CACNB4: variants seen among roughly 807,000 people sequenced by gnomAD.
CACNB4 encodes voltage-dependent L-type calcium channel subunit beta-4.
CACNB4 carries 32 observed loss-of-function variants against 71.2 expected under a neutral mutation model. The observed-to-expected ratio is 0.45, with a 90% confidence interval of 0.34 to 0.60. The LOEUF is 0.60. Among genes scored for constraint, CACNB4 ranks in the 20% least tolerant of loss-of-function variants. The pLI, the probability that CACNB4 is intolerant of heterozygous loss-of-function variation, is 0.01. For synonymous variants in CACNB4, 231 were observed against 236.9 expected (o/e 0.97, Z 0.23); for missense variants, 464 against 647.9 (o/e 0.72, Z 3.08).
At chr2:152,018,806 A>AACACACAC (rs10600477) in intron 2 of CACNB4, among the ~76,000 whole-genome samples, 19,130 of 146,462 alleles carry the variant, frequency 0.13, 1,588 homozygotes, top group African/African-American at 0.24. Flanking sequence ...CCTGTCTCAA[A>AACACACAC]ACACACACAC....
chr2:151,893,532 G>A (rs78852198), intron 2 of CACNB4, among the ~76,000 whole-genome samples: 5,262 of 152,112 alleles, frequency 0.035, 148 homozygotes, highest in East Asian at 0.11. Context: ...ATGAGCCATC[G>A]CACTCAGTCT....
intron 4 of CACNB4, chr2:151,879,483 G>A (rs1038782486): frequency 1.3e-5 from 2 of 151,374 alleles, no homozygotes; most frequent in African/African-American, 4.9e-5. Context: ...ACTTAACATG[G>A]TGCATAATAG....
At chr2:151,934,433 G>A (rs2099862415) in intron 2 of CACNB4, among the ~76,000 whole-genome samples, 1 of 152,204 alleles carries the variant, frequency 6.6e-6, no homozygotes, top group Non-Finnish European at 1.5e-5. Flanking sequence ...TGTTCTAGGT[G>A]CTTAACAGCA....
At chr2:151,982,730 T>C (rs771519924) in intron 2 of CACNB4, among the ~76,000 whole-genome samples, 2 of 152,102 alleles carry the variant, frequency 1.3e-5, no homozygotes, top group African/African-American at 2.4e-5. Context: ...GAACTCACCT[T>C]AGGGAAGAAA....
chr2:151,951,940 T>C (rs1268515989), intron 2 of CACNB4, among the ~76,000 whole-genome samples: 2 of 152,168 alleles, frequency 1.3e-5, no homozygotes, highest in African/African-American at 2.4e-5. Context: ...CAAGGCATAA[T>C]TGAATGGCCT....
At chr2:151,960,048 A>C (rs999275231) in intron 2 of CACNB4, among the ~76,000 whole-genome samples, 2 of 152,244 alleles carry the variant, frequency 1.3e-5, no homozygotes, top group African/African-American at 4.8e-5. Context: ...AGTTATAAAA[A>C]TTAGAAATCA....
intron 2 of CACNB4, among the ~76,000 whole-genome samples, chr2:152,065,753 G>A (rs546749751): frequency 6.6e-6 from 1 of 152,136 alleles, no homozygotes; most frequent in South Asian, 2.1e-4. Flanking sequence ...TTTATGTAAG[G>A]GGGTAATTTT....
chr2:151,982,906 C>A (rs1050780210), intron 2 of CACNB4, among the ~76,000 whole-genome samples: 5 of 152,150 alleles, frequency 3.3e-5, no homozygotes, highest in Admixed American at 2.6e-4. Flanking sequence ...ATAAAGACAA[C>A]CAGAAAAATA....
At chr2:151,875,752 G>A (rs1170616571) in intron 5 of CACNB4, among the ~76,000 whole-genome samples, 539 of 61,476 alleles carry the variant, frequency 8.8e-3, no homozygotes, top group Non-Finnish European at 0.012. Context: ...CGGCCGGGCA[G>A]AGGCACCCCT....
At chr2:151,983,297 A>G (rs933162937) in intron 2 of CACNB4, among the ~76,000 whole-genome samples, 1 of 152,220 alleles carries the variant, frequency 6.6e-6, no homozygotes, top group Admixed American at 6.5e-5. Context: ...CCAAGTCCAT[A>G]AGTAATTCCT....
At chr2:152,017,512 TC>T (rs1683412080) in intron 2 of CACNB4, among the ~76,000 whole-genome samples, 1 of 150,040 alleles carries the variant, frequency 6.7e-6, no homozygotes, top group Non-Finnish European at 1.5e-5. Flanking sequence ...TCGAGACCCA[TC>T]CTGGCTAAGA....
chr2:151,872,184 C>G, intron 6 of CACNB4: 1 of 447,366 alleles, frequency 2.2e-6, no homozygotes. Context: ...GTTATTAACA[C>G]TGAGGGGTAA....
At chr2:151,863,603 T>C (rs1291222465) in intron 9 of CACNB4, among the ~76,000 whole-genome samples, 1 of 152,162 alleles carries the variant, frequency 6.6e-6, no homozygotes, top group African/African-American at 2.4e-5. Flanking sequence ...AATTTTCTAG[T>C]TCTATACAAA....
chr2:152,091,589 G>GGC (rs1313512097), intron 2 of CACNB4, among the ~76,000 whole-genome samples: 3 of 152,126 alleles, frequency 2.0e-5, no homozygotes, highest in Non-Finnish European at 4.4e-5. Flanking sequence ...AGTGAGCCGA[G>GGC]ATTGTACCAC....
chr2:152,055,213 T>C (rs1294799166), intron 2 of CACNB4, among the ~76,000 whole-genome samples: 1 of 152,180 alleles, frequency 6.6e-6, no homozygotes, highest in Non-Finnish European at 1.5e-5. Context: ...GGTTTCACCA[T>C]GTTGGCCAGG....
intron 2 of CACNB4, among the ~76,000 whole-genome samples, chr2:151,964,993 G>A (rs933346850): frequency 7.2e-5 from 11 of 152,052 alleles, no homozygotes; most frequent in East Asian, 1.9e-4. Flanking sequence ...TATTCGAAGC[G>A]TTAACAACAT....
rs2099835093 is a variant in CACNB4, at chr2:151,837,295, A to T, written c.*1824T>A. 6.6e-6 allele frequency: 1 copy of T among 152,050 alleles called. No individual in the cohort carries two copies. The allele number at this position is 152,050 out of a possible 1,614,324, so 9.4% of individuals were successfully genotyped here. On this transcript the variant is annotated 3_prime_UTR_variant, in exon 14 of 14. Transcript: ENST00000539935. The stretch of plus-strand genomic sequence containing the variant: ...TTACAGAATTATAGGTATCCTCATT[A>T]TCAGCTAAACAGGTTCATAATGGGG...
At chr2:151,930,226 A>G (rs2099861296) in intron 2 of CACNB4, among the ~76,000 whole-genome samples, 1 of 152,202 alleles carries the variant, frequency 6.6e-6, no homozygotes, top group African/African-American at 2.4e-5. Context: ...ATGGTAAATG[A>G]AGCTCTTCAA....
At chr2:151,961,801 G>A (rs2099869723) in intron 2 of CACNB4, among the ~76,000 whole-genome samples, 1 of 152,110 alleles carries the variant, frequency 6.6e-6, no homozygotes. Flanking sequence ...TGAGGTGGGA[G>A]GATCACTTCA....
Sources: allele counts gnomAD v4.1 joint callset (sites outside exome capture counted in the v4.1 genomes callset), GRCh38; gene constraint gnomAD v4.1.1; transcripts MANE v1.5; gene names NCBI Gene and HGNC (gene_info 2026-07-23, HGNC 2026-07-21).